Variants in NKAIN3 observed in about 807,000 individuals in gnomAD.
NKAIN3 encodes sodium/potassium transporting ATPase interacting 3, also known as sodium/potassium-transporting ATPase subunit beta-1-interacting protein 3.
Under a neutral mutation model 30.2 loss-of-function variants are expected in NKAIN3, and 25 were observed. The ratio of observed to expected loss-of-function variants is 0.83; its 90% CI spans 0.60 to 1.16. The LOEUF (loss-of-function observed/expected upper bound fraction) is 1.16, where lower values mean the gene tolerates loss of function less well. Among genes scored for constraint, NKAIN3 ranks in the 50% most tolerant of loss-of-function variants. NKAIN3 has a pLI of 0.00. For synonymous variants in NKAIN3, 91 were observed against 89.6 expected, an observed-to-expected ratio of 1.02 and a Z score of -0.09; for missense variants, 225 against 254.1, an observed-to-expected ratio of 0.89 and a Z score of 0.78.
At chr8:62,360,981 G>T (rs1816541973) in intron 1 of NKAIN3, among the ~76,000 whole-genome samples, 1 of 148,288 alleles carries the variant, frequency 6.7e-6, no homozygotes, top group Non-Finnish European at 1.5e-5. Flanking sequence ...GTTCTTAGAG[G>T]GCTAAATAGC....
At chr8:62,414,789 T>C (rs1158615984) in intron 1 of NKAIN3, among the ~76,000 whole-genome samples, 1 of 151,752 alleles carries the variant, frequency 6.6e-6, no homozygotes, top group East Asian at 1.9e-4. Flanking sequence ...ATGAGAAAAA[T>C]CAAGAAATAT....
chr8:62,367,653 C>T (rs956024435), intron 1 of NKAIN3, among the ~76,000 whole-genome samples: 36 of 152,050 alleles, frequency 2.4e-4, no homozygotes, highest in African/African-American at 8.2e-4. Context: ...TGAAAAACTG[C>T]AAGTTTTCTT....
chr8:62,664,040 C>A (rs532379580), intron 3 of NKAIN3, among the ~76,000 whole-genome samples: 1 of 152,100 alleles, frequency 6.6e-6, no homozygotes, highest in East Asian at 1.9e-4. Context: ...CCCTGAATAC[C>A]CTGTTTCCTC....
intron 4 of NKAIN3, among the ~76,000 whole-genome samples, chr8:62,909,559 G>A (rs541809983): frequency 4.6e-5 from 7 of 152,210 alleles, no homozygotes; most frequent in East Asian, 1.9e-4. Flanking sequence ...AAGCCACAGA[G>A]ACTATTTAAA....
chr8:62,933,473 T>A (rs1002050118), intron 5 of NKAIN3, among the ~76,000 whole-genome samples: 1 of 152,176 alleles, frequency 6.6e-6, no homozygotes, highest in Non-Finnish European at 1.5e-5. Context: ...AGAAAAAATG[T>A]ATTACATAGG....
At chr8:62,842,524 G>A (rs1438767289) in intron 4 of NKAIN3, among the ~76,000 whole-genome samples, 1 of 151,972 alleles carries the variant, frequency 6.6e-6, no homozygotes, top group Non-Finnish European at 1.5e-5. Flanking sequence ...AAAATTCTGT[G>A]GAACCACAAT....
intron 1 of NKAIN3, among the ~76,000 whole-genome samples, chr8:62,304,077 G>T (rs1486153081): frequency 6.6e-6 from 1 of 150,384 alleles, no homozygotes; most frequent in Non-Finnish European, 1.5e-5. Context: ...TATTTAAATT[G>T]AAATAAGATG....
intron 4 of NKAIN3, among the ~76,000 whole-genome samples, chr8:62,815,357 C>T (rs1477699815): frequency 6.6e-6 from 1 of 152,146 alleles, no homozygotes; most frequent in Non-Finnish European, 1.5e-5. Flanking sequence ...GGAATCCTCC[C>T]TAACTCATTT....
At chr8:62,585,616 G>T (rs753857611) in intron 2 of NKAIN3, among the ~76,000 whole-genome samples, 1 of 152,078 alleles carries the variant, frequency 6.6e-6, no homozygotes, top group Non-Finnish European at 1.5e-5. Flanking sequence ...TAGATCCCTC[G>T]CATGGGTAGT....
At chr8:62,313,589 T>C (rs1171756360) in intron 1 of NKAIN3, among the ~76,000 whole-genome samples, 1 of 152,140 alleles carries the variant, frequency 6.6e-6, no homozygotes, top group Non-Finnish European at 1.5e-5. Flanking sequence ...TATAAGGAGC[T>C]CAAGGGGAAA....
rs1051836481 is a variant in NKAIN3, at chr8:62,376,943, T to A, written c.54+127816T>A. Among the ~76,000 whole-genome samples the A allele has an allele frequency of 2.6e-5, 4 of 152,280 alleles. No homozygotes were observed. The East Asian group carries it at 7.7e-4, about 29-fold the overall frequency. On this transcript the variant is annotated intron_variant, in intron 1 of 6. Coordinates refer to ENST00000623646, the MANE Select transcript of NKAIN3 (RefSeq NM_001304533.3). ...TATACTGACTTTATATATATTTTGATTTTTCTATATATAACACAAAATAAC... is the reference window on the plus strand; with the variant it reads ...TATACTGACTTTATATATATTTTGAATTTTCTATATATAACACAAAATAAC...
At chr8:62,253,273 T>A (rs1028980482) in intron 1 of NKAIN3, among the ~76,000 whole-genome samples, 2 of 152,206 alleles carry the variant, frequency 1.3e-5, no homozygotes, top group Admixed American at 6.5e-5. Context: ...AGATGTATAT[T>A]TTTTATTGTA....
intron 1 of NKAIN3, among the ~76,000 whole-genome samples, chr8:62,289,817 A>C (rs186915189): frequency 5.0e-4 from 76 of 152,272 alleles, no homozygotes; most frequent in African/African-American, 1.3e-3. Flanking sequence ...CATTGAATCT[A>C]TAAATTACCT....
intron 5 of NKAIN3, among the ~76,000 whole-genome samples, chr8:62,925,300 G>T (rs1310717402): frequency 1.3e-5 from 2 of 152,122 alleles, no homozygotes; most frequent in Admixed American, 6.5e-5. Context: ...TGGAGAAAAT[G>T]CTTGTCTTTA....
At chr8:62,896,191 C>A (rs527829927) in intron 4 of NKAIN3, among the ~76,000 whole-genome samples, 1 of 151,996 alleles carries the variant, frequency 6.6e-6, no homozygotes, top group Non-Finnish European at 1.5e-5. Context: ...CAGATGGATG[C>A]CTTCTGTCTG....
intron 4 of NKAIN3, among the ~76,000 whole-genome samples, chr8:62,845,746 C>T (rs898541886): frequency 2.6e-5 from 4 of 152,052 alleles, no homozygotes; most frequent in Admixed American, 2.6e-4. Context: ...ACTGGCATTA[C>T]TTAAGCAAGG....
At chr8:62,275,577 A>G (rs1418680639) in intron 1 of NKAIN3, among the ~76,000 whole-genome samples, 1 of 152,196 alleles carries the variant, frequency 6.6e-6, no homozygotes, top group African/African-American at 2.4e-5. Context: ...TTTAAAGACC[A>G]GCTTTTATGA....
intron 3 of NKAIN3, among the ~76,000 whole-genome samples, chr8:62,706,599 C>T (rs1035501711): frequency 6.6e-6 from 1 of 151,834 alleles, no homozygotes; most frequent in Non-Finnish European, 1.5e-5. Context: ...AATATACACC[C>T]CTTTGCTATC....
downstream of NKAIN3, among the ~76,000 whole-genome samples, chr8:62,989,871 T>A (rs1470196921): frequency 3.3e-5 from 5 of 152,180 alleles, no homozygotes; most frequent in Admixed American, 1.3e-4. Flanking sequence ...ATTCTCTGAG[T>A]GCTTTGTAAA....
Sources: gnomAD v4.1 joint callset for allele counts (sites outside exome capture counted in the v4.1 genomes callset) on GRCh38, gnomAD v4.1.1 for gene constraint, MANE v1.5 for transcripts, NCBI Gene and HGNC (gene_info 2026-07-23, HGNC 2026-07-21) for gene names.